EXOC6B: variants seen among roughly 807,000 people sequenced by gnomAD.
EXOC6B encodes SEC15 homolog B.
Under a neutral mutation model 113.5 loss-of-function variants are expected in EXOC6B, and 54 were observed. The ratio of observed to expected loss-of-function variants is 0.48; its 90% CI spans 0.38 to 0.60. The LOEUF (loss-of-function observed/expected upper bound fraction) is 0.60, where lower values mean the gene tolerates loss of function less well. Among genes scored for constraint, EXOC6B ranks in the 20% least tolerant of loss-of-function variants. EXOC6B has a pLI of 0.00. For missense variants in EXOC6B, 797 were observed against 977.5 expected, an observed-to-expected ratio of 0.82 and a Z score of 2.46; for synonymous variants, 357 against 339.0, an observed-to-expected ratio of 1.05 and a Z score of -0.58.
At chr2:72,332,758 A>C (rs1489185622) in intron 20 of EXOC6B, among the ~76,000 whole-genome samples, 2 of 152,128 alleles carry the variant, frequency 1.3e-5, no homozygotes, top group Admixed American at 6.6e-5. Context: ...TCTATTTTAG[A>C]AGCCTAAATA....
chr2:72,673,349 T>C (rs1414875201), intron 6 of EXOC6B, among the ~76,000 whole-genome samples: 2 of 152,200 alleles, frequency 1.3e-5, no homozygotes, highest in Non-Finnish European at 2.9e-5. Context: ...AAGGCTATGA[T>C]TGACAATAAC....
intron 6 of EXOC6B, among the ~76,000 whole-genome samples, chr2:72,622,300 A>G (rs1671796815): frequency 6.6e-6 from 1 of 151,924 alleles, no homozygotes; most frequent in Admixed American, 6.6e-5. Flanking sequence ...AGTAAGATCC[A>G]CAAATGTTTT....
At chr2:72,342,160 C>A (rs1689066940) in intron 19 of EXOC6B, among the ~76,000 whole-genome samples, 2 of 151,876 alleles carry the variant, frequency 1.3e-5, no homozygotes, top group African/African-American at 4.8e-5. Flanking sequence ...TTAATACCTA[C>A]ATTAAGGAAA....
Position 72,781,588 on chromosome 2 carries a change from T to C in EXOC6B, c.114-40119A>G, listed in dbSNP as rs575752697. ...GACAATAAACAAATGAGTATGGCTA[T>C]GTTTCAATAAAATTGCATTGACAAA... On this transcript the variant is annotated intron_variant, in intron 1 of 21. Coordinates refer to ENST00000272427, the MANE Select transcript of EXOC6B (RefSeq NM_015189.3). 3.3e-5 allele frequency among the ~76,000 whole-genome samples: 5 copies of C among 152,324 alleles called. No homozygotes were observed. In the South Asian group the frequency reaches 1.0e-3, roughly 32 times the overall value.
At chr2:72,822,339 TA>T (rs1424833556) in intron 1 of EXOC6B, among the ~76,000 whole-genome samples, 1 of 152,218 alleles carries the variant, frequency 6.6e-6, no homozygotes, top group African/African-American at 2.4e-5. Flanking sequence ...GAGAGATAGC[TA>T]CTTTCCCAAA....
At chr2:72,200,990 T>C (rs1307946321) in intron 20 of EXOC6B, among the ~76,000 whole-genome samples, 1 of 152,160 alleles carries the variant, frequency 6.6e-6, no homozygotes, top group African/African-American at 2.4e-5. Context: ...TTCACCTTCC[T>C]GATGAAGGCT....
intron 20 of EXOC6B, among the ~76,000 whole-genome samples, chr2:72,305,374 GTA>G (rs1342707791): frequency 1.0e-3 from 63 of 63,110 alleles, no homozygotes; most frequent in African/African-American, 2.7e-3. Flanking sequence ...ATGTATATGT[GTA>G]TGTATATGAA....
intron 18 of EXOC6B, among the ~76,000 whole-genome samples, chr2:72,459,263 A>G (rs1464077169): frequency 1.3e-5 from 2 of 152,218 alleles, no homozygotes; most frequent in African/African-American, 4.8e-5. Flanking sequence ...GAATGGGCAA[A>G]AACTGGAAGC....
chr2:72,495,524 T>G lies in EXOC6B; in HGVS notation c.1459A>C (p.Lys487Gln), dbSNP rs759323758. The G allele has an allele frequency of 1.9e-6, 3 of 1,600,310 alleles. No individual in the cohort carries two copies. The highest frequency in any genetic ancestry group is 8.5e-7 in the Non-Finnish European group (1 of 1,170,150). Residue 487 changes from lysine to glutamine, a missense_variant, in exon 15 of 22, where the codon AAG (lysine) becomes CAG (glutamine). Lys to Gln is a moderately conservative substitution (Grantham distance 53, BLOSUM62 1). Transcript: ENST00000272427. ...IELEKQPFPK[K>Q]FPFSEFVPKV... ...GGCACAAATTCAGAGAAAGGAAACT[T>G]TTTTGGAAATGGTTGCTGTAAATGC...
At chr2:72,646,051 CAAAT>C (rs1236225339) in intron 6 of EXOC6B, among the ~76,000 whole-genome samples, 9 of 151,710 alleles carry the variant, frequency 5.9e-5, no homozygotes, top group African/African-American at 2.2e-4. Flanking sequence ...ATTAGCAAGA[CAAAT>C]AAAGAAGAAA....
chr2:72,461,491 C>T (rs558535958), intron 18 of EXOC6B: 22 of 150,934 alleles, frequency 1.5e-4, no homozygotes, highest in South Asian at 6.3e-4. Context: ...TAAGAAATAA[C>T]GAATATATTT....
At chr2:72,823,560 G>T (rs1345711518) in intron 1 of EXOC6B, among the ~76,000 whole-genome samples, 2 of 151,292 alleles carry the variant, frequency 1.3e-5, no homozygotes, top group South Asian at 2.1e-4. Flanking sequence ...AAAGCAGGTG[G>T]ATTGCTTGAA....
At chr2:72,561,870 T>C (rs139430878) in intron 7 of EXOC6B, among the ~76,000 whole-genome samples, 1 of 152,252 alleles carries the variant, frequency 6.6e-6, no homozygotes, top group East Asian at 1.9e-4. Flanking sequence ...TTGTCTCTTA[T>C]TTCTTAGCCA....
chr2:72,350,816 A>G (rs780695058), intron 19 of EXOC6B, among the ~76,000 whole-genome samples: 15 of 152,344 alleles, frequency 9.8e-5, no homozygotes, highest in Non-Finnish European at 2.2e-4. Context: ...CTCAAGCTAC[A>G]TAAGCAACTT....
chr2:72,229,396 T>C (rs1450342624), intron 20 of EXOC6B, among the ~76,000 whole-genome samples: 1 of 152,180 alleles, frequency 6.6e-6, no homozygotes, highest in Non-Finnish European at 1.5e-5. Flanking sequence ...TTGCCTGAAA[T>C]TGAGCAAAGC....
chr2:72,769,420 T>C (rs1683282234), intron 1 of EXOC6B, among the ~76,000 whole-genome samples: 1 of 152,216 alleles, frequency 6.6e-6, no homozygotes, highest in Non-Finnish European at 1.5e-5. Flanking sequence ...AAGTGTTACA[T>C]ATTCCTAGCA....
At chr2:72,727,581 A>C (rs1248950835) in intron 5 of EXOC6B, among the ~76,000 whole-genome samples, 1 of 152,140 alleles carries the variant, frequency 6.6e-6, no homozygotes, top group Non-Finnish European at 1.5e-5. Context: ...TTTCAAAGCT[A>C]ATGTCCATTC....
chr2:72,516,853 A>G (rs766347061), intron 8 of EXOC6B, among the ~76,000 whole-genome samples: 1 of 152,204 alleles, frequency 6.6e-6, no homozygotes, highest in Non-Finnish European at 1.5e-5. Context: ...ATCTCATGCA[A>G]GCGCTTATTT....
chr2:72,540,497 T>A (rs1267371602), intron 8 of EXOC6B, among the ~76,000 whole-genome samples: 2 of 152,204 alleles, frequency 1.3e-5, no homozygotes, highest in African/African-American at 4.8e-5. Flanking sequence ...ATGTATCATA[T>A]CTATTTATTC....
Sources: allele counts gnomAD v4.1 joint callset (sites outside exome capture counted in the v4.1 genomes callset), GRCh38; gene constraint gnomAD v4.1.1; transcripts MANE v1.5; gene names NCBI Gene and HGNC (gene_info 2026-07-23, HGNC 2026-07-21).